MACROD2: variants seen among roughly 807,000 people sequenced by gnomAD.
MACROD2 encodes the protein ADP-ribose glycohydrolase MACROD2.
MACROD2 carries 36 observed loss-of-function variants against 70.4 expected under a neutral mutation model. That is an observed-to-expected ratio of 0.51 (90% confidence interval 0.39 to 0.68). MACROD2 has a LOEUF of 0.68. MACROD2 is among the 30% of genes least tolerant of loss of function. The pLI is 0.00. For missense variants in MACROD2, 496 were observed against 538.4 expected, an observed-to-expected ratio of 0.92 and a Z score of 0.78; for synonymous variants, 172 against 178.8, an observed-to-expected ratio of 0.96 and a Z score of 0.30.
chr20:15,808,094 C>G (rs368189541), intron 8 of MACROD2, among the ~76,000 whole-genome samples: 1 of 152,076 alleles, frequency 6.6e-6, no homozygotes, highest in African/African-American at 2.4e-5. Flanking sequence ...CCCTGTCACG[C>G]GGACCCCCTT....
intron 6 of MACROD2, among the ~76,000 whole-genome samples, chr20:15,387,119 A>T (rs777530162): frequency 1.1e-4 from 17 of 152,192 alleles, no homozygotes; most frequent in Non-Finnish European, 8.8e-5. Context: ...ACAAAGCCAA[A>T]CTGGCAGAAA....
At chr20:14,096,845 C>T (rs2054234048) in intron 3 of MACROD2, among the ~76,000 whole-genome samples, 1 of 152,106 alleles carries the variant, frequency 6.6e-6, no homozygotes, top group Non-Finnish European at 1.5e-5. Flanking sequence ...TGTCTTTCTC[C>T]CTTCTTGACA....
At chr20:14,377,330 A>G (rs2083381109) in intron 3 of MACROD2, among the ~76,000 whole-genome samples, 1 of 152,182 alleles carries the variant, frequency 6.6e-6, no homozygotes, top group South Asian at 2.1e-4. Context: ...TTTTCTCAGA[A>G]GGTTTCCTGG....
chr20:14,684,132 G>A (rs774845525), intron 4 of MACROD2, among the ~76,000 whole-genome samples: 1 of 152,168 alleles, frequency 6.6e-6, no homozygotes, highest in Non-Finnish European at 1.5e-5. Context: ...TGGCAGAGTC[G>A]GAGCAGCACT....
rs570673900 is a variant in MACROD2 at position 15,908,935 on chromosome 20, G to A, written c.775+23124G>A. Reference sequence around the variant, plus strand: ...TCTTAGCTGGCAAGAGCAGACAATGGCTTGTTCCAGGTACTAGGGATGTAT... The same window carrying A: ...TCTTAGCTGGCAAGAGCAGACAATGACTTGTTCCAGGTACTAGGGATGTAT... On this transcript the variant is annotated intron_variant, in intron 10 of 17. Transcript: ENST00000684519. Among the ~76,000 whole-genome samples, 12 of 152,294 alleles carry A rather than the reference G, an allele frequency of 7.9e-5. No homozygotes were observed. In the South Asian group the frequency reaches 2.5e-3, roughly 32 times the overall value.
intron 15 of MACROD2, among the ~76,000 whole-genome samples, chr20:16,029,849 G>A (rs1199360095): frequency 6.6e-6 from 1 of 152,132 alleles, no homozygotes; most frequent in Non-Finnish European, 1.5e-5. Context: ...CAAATGACTA[G>A]AACTAATTAT....
At chr20:15,293,929 C>G (rs1243156282) in intron 6 of MACROD2, among the ~76,000 whole-genome samples, 2 of 151,944 alleles carry the variant, frequency 1.3e-5, no homozygotes, top group African/African-American at 2.4e-5. Flanking sequence ...ACCAGCCTGG[C>G]CAACATGGTG....
intron 13 of MACROD2, among the ~76,000 whole-genome samples, chr20:15,981,289 T>C (rs2066395123): frequency 1.3e-5 from 2 of 152,256 alleles, no homozygotes; most frequent in South Asian, 2.1e-4. Context: ...TTCTGTGTAA[T>C]TGGAACTCCA....
intron 8 of MACROD2, among the ~76,000 whole-genome samples, chr20:15,814,715 A>G (rs1025750839): frequency 2.6e-5 from 4 of 152,208 alleles, no homozygotes; most frequent in African/African-American, 9.6e-5. Context: ...TAAGACCTGT[A>G]CAAACTTTTT....
Position 14,868,600 on chromosome 20 carries a change from A to G in MACROD2, c.418+183641A>G, listed in dbSNP as rs79563633. On this transcript the variant is annotated intron_variant, in intron 5 of 17. Transcript: ENST00000684519. ...CCTAGAGTCTAGGGCCCAACTTTGC[A>G]TACTGGACTAGAATCATTAAGGTGT... Among the ~76,000 whole-genome samples, 18 of 152,228 alleles carry G rather than the reference A, an allele frequency of 1.2e-4. No homozygotes were observed. The East Asian group carries it at 3.5e-3, about 29-fold the overall frequency.
intron 1 of MACROD2, among the ~76,000 whole-genome samples, chr20:13,996,090 G>A (rs2052641118): frequency 6.6e-6 from 1 of 152,306 alleles, no homozygotes; most frequent in Middle Eastern, 3.4e-3. Flanking sequence ...GCGGTGCTGC[G>A]TTCGCCTCGC....
At chr20:15,052,353 A>G (rs1422717212) in intron 5 of MACROD2, among the ~76,000 whole-genome samples, 1 of 152,106 alleles carries the variant, frequency 6.6e-6, no homozygotes, top group Non-Finnish European at 1.5e-5. Flanking sequence ...TCTTTTTACA[A>G]ATTGAAGGTT....
chr20:15,287,946 T>G (rs151276229), intron 6 of MACROD2, among the ~76,000 whole-genome samples: 48 of 152,316 alleles, frequency 3.2e-4, no homozygotes, highest in African/African-American at 1.0e-3. Flanking sequence ...AAATAAAAGA[T>G]CAGGAACACT....
chr20:15,311,391 G>A (rs1460476418), intron 6 of MACROD2, among the ~76,000 whole-genome samples: 1 of 152,146 alleles, frequency 6.6e-6, no homozygotes, highest in African/African-American at 2.4e-5. Flanking sequence ...ATTCAAATAT[G>A]TTTTGCAGAG....
chr20:14,217,036 G>A (rs926638003), intron 3 of MACROD2, among the ~76,000 whole-genome samples: 5 of 152,094 alleles, frequency 3.3e-5, no homozygotes, highest in African/African-American at 1.2e-4. Context: ...AGGACTTCCA[G>A]TACTATGTTG....
chr20:15,725,473 G>T (rs935298337), intron 8 of MACROD2, among the ~76,000 whole-genome samples: 6 of 151,998 alleles, frequency 3.9e-5, no homozygotes, highest in African/African-American at 9.7e-5. Flanking sequence ...AGTTCTAGGG[G>T]TTTTTTTGTT....
At chr20:15,216,949 G>A (rs1169128069) in intron 5 of MACROD2, among the ~76,000 whole-genome samples, 1 of 152,126 alleles carries the variant, frequency 6.6e-6, no homozygotes, top group Non-Finnish European at 1.5e-5. Context: ...AAGCATATAT[G>A]TCAGAAAGAC....
intron 8 of MACROD2, among the ~76,000 whole-genome samples, chr20:15,586,791 C>T (rs1003472671): frequency 6.6e-6 from 1 of 151,986 alleles, no homozygotes; most frequent in Non-Finnish European, 1.5e-5. Context: ...ATTTTCTGTA[C>T]AAGCAATAAA....
intron 3 of MACROD2, among the ~76,000 whole-genome samples, chr20:14,117,400 C>T (rs1340870559): frequency 6.6e-6 from 1 of 152,090 alleles, no homozygotes; most frequent in Non-Finnish European, 1.5e-5. Context: ...ATGTAGTTGG[C>T]CCTCGACAAA....
Sources: gnomAD v4.1 joint callset for allele counts (sites outside exome capture counted in the v4.1 genomes callset) on GRCh38, gnomAD v4.1.1 for gene constraint, MANE v1.5 for transcripts, NCBI Gene and HGNC (gene_info 2026-07-23, HGNC 2026-07-21) for gene names.